Variants in GALNT11 observed in about 807,000 individuals in gnomAD.
The protein encoded by GALNT11 is polypeptide N-acetylgalactosaminyltransferase 11.
GALNT11 carries 47 observed loss-of-function variants against 72.7 expected under a neutral mutation model. The observed-to-expected ratio is 0.65, with a 90% CI of 0.51 to 0.82. The LOEUF (loss-of-function observed/expected upper bound fraction) is 0.82. GALNT11 is among the 40% of genes least tolerant of loss of function. GALNT11 has a pLI of 0.00. For missense variants in GALNT11, 677 were observed against 778.4 expected (o/e 0.87, Z 1.55); for synonymous variants, 270 against 286.6 (o/e 0.94, Z 0.58).
chr7:152,099,904 T>C (rs1252324518), intron 2 of GALNT11, among the ~76,000 whole-genome samples: 5 of 150,268 alleles, frequency 3.3e-5, no homozygotes, highest in African/African-American at 1.2e-4. Context: ...AGCCAAGTCA[T>C]GGAGACTACA....
chr7:152,120,452 GA>G (rs2089318041), intron 10 of GALNT11: 1 of 192,218 alleles, frequency 5.2e-6, no homozygotes, highest in African/African-American at 2.4e-5. Context: ...AGGCATCGAC[GA>G]AAATGGCAGC....
At chr7:152,044,333 C>T (rs1010192267) in intron 1 of GALNT11, among the ~76,000 whole-genome samples, 1 of 152,184 alleles carries the variant, frequency 6.6e-6, no homozygotes, top group Non-Finnish European at 1.5e-5. Flanking sequence ...CTCGCTCATG[C>T]TATTGTTTGT....
chr7:152,110,599 G>A lies in GALNT11; in HGVS notation c.1034G>A (p.Ser345Asn), dbSNP rs770194012. Residue 345 changes from serine to asparagine, a missense_variant, in exon 7 of 12, where the codon AGT becomes AAT. Transcript: ENST00000430044. ...TTCCATGAACTTGGACAGTATGATAGTGGCATGGATATCTGGGGAGGAGAA... is the reference window on the plus strand; with the variant it reads ...TTCCATGAACTTGGACAGTATGATAATGGCATGGATATCTGGGGAGGAGAA... ...QYFHELGQYD[S>N]GMDIWGGENL... 2 of 1,612,526 alleles carry A rather than the reference G, an allele frequency of 1.2e-6. No homozygotes were observed. Among genetic ancestry groups the A allele is most frequent in the East Asian group, 2.2e-5 (1 of 44,868 alleles).
rs763723817 is a variant in GALNT11, at chr7:152,100,962, C to T, written c.419+41C>T. On this transcript the variant is annotated intron_variant, in intron 3 of 11. Coordinates refer to ENST00000430044, the MANE Select transcript of GALNT11 (RefSeq NM_022087.4). The stretch of plus-strand genomic sequence containing the variant: ...GATTTGCAAATACATTTTAACAACA[C>T]GATGCTTTTAGTGTCAGTGTAAGAG... The T allele has an allele frequency of 1.2e-4, 196 of 1,606,682 alleles. No individual in the cohort carries two copies. The Admixed American group carries it at 3.0e-3, about 25-fold the overall frequency.
chr7:152,086,217 G>A (rs1007849562), intron 1 of GALNT11, among the ~76,000 whole-genome samples: 3 of 151,912 alleles, frequency 2.0e-5, no homozygotes, highest in Non-Finnish European at 4.4e-5. Flanking sequence ...TTGAGACGGG[G>A]TTTTACTATG....
At chr7:152,054,850 A>G (rs1393919238) in intron 1 of GALNT11, among the ~76,000 whole-genome samples, 2 of 152,112 alleles carry the variant, frequency 1.3e-5, no homozygotes, top group African/African-American at 4.8e-5. Context: ...GAGCCTATTC[A>G]TGCTATTGGA....
intron 1 of GALNT11, among the ~76,000 whole-genome samples, chr7:152,081,045 TCTA>T (rs2085296598): frequency 1.3e-5 from 2 of 152,188 alleles, no homozygotes; most frequent in Admixed American, 1.3e-4. Flanking sequence ...CTGTAGATCT[TCTA>T]CTGTGTTCCT....
chr7:152,035,258 G>A (rs2082510479), intron 1 of GALNT11, among the ~76,000 whole-genome samples: 1 of 152,182 alleles, frequency 6.6e-6, no homozygotes, highest in Non-Finnish European at 1.5e-5. Context: ...GAGCCCGGGT[G>A]CCTAAAGAAG....
chr7:152,059,235 A>G (rs543131421), intron 1 of GALNT11, among the ~76,000 whole-genome samples: 44 of 151,946 alleles, frequency 2.9e-4, no homozygotes, highest in African/African-American at 1.0e-3. Flanking sequence ...TGTTGGGACT[A>G]CAGGCATGTG....
chr7:152,108,367 C>T, intron 6 of GALNT11, 80 bp downstream of exon 6: 5 of 1,521,782 alleles, frequency 3.3e-6, no homozygotes, highest in Non-Finnish European at 3.5e-6. Flanking sequence ...GATAATTCCT[C>T]CTTCTTTGTA....
At chr7:152,054,352 A>G (rs2083544278) in intron 1 of GALNT11, among the ~76,000 whole-genome samples, 1 of 151,094 alleles carries the variant, frequency 6.6e-6, no homozygotes, top group Admixed American at 6.6e-5. Context: ...TAACTTAAAA[A>G]TCTTCAGGAT....
At chr7:152,052,616 C>T (rs2083456034) in intron 1 of GALNT11, among the ~76,000 whole-genome samples, 1 of 152,180 alleles carries the variant, frequency 6.6e-6, no homozygotes, top group Non-Finnish European at 1.5e-5. Context: ...TGTGGCACCT[C>T]ACATTGCTGT....
intron 7 of GALNT11, among the ~76,000 whole-genome samples, chr7:152,110,942 G>C (rs1042055928): frequency 6.6e-6 from 1 of 151,824 alleles, no homozygotes; most frequent in Non-Finnish European, 1.5e-5. Flanking sequence ...GGCTGGTGTC[G>C]AACTCTTGGG....
At chr7:152,113,712 CTTTTTTTTTTTTTTTTT>C (rs6150397) in intron 8 of GALNT11, among the ~76,000 whole-genome samples, 488 of 96,806 alleles carry the variant, frequency 5.0e-3, no homozygotes, top group Admixed American at 0.023. Context: ...AGTTGGCTTT[CTTTTTTTTTTTTTTTTT>C]TTTTTTTTTT....
chr7:152,103,311 C>T (rs1216202730), intron 4 of GALNT11, 33 bp downstream of exon 4: 1 of 1,597,104 alleles, frequency 6.3e-7, no homozygotes, highest in Non-Finnish European at 8.6e-7. Flanking sequence ...ACATTGGATC[C>T]AGGCTGTCAG....
chr7:152,046,419 T>C (rs2083125558), intron 1 of GALNT11, among the ~76,000 whole-genome samples: 1 of 152,178 alleles, frequency 6.6e-6, no homozygotes, highest in South Asian at 2.1e-4. Flanking sequence ...CTTCAGTTAT[T>C]GTATTGGGAT....
intron 1 of GALNT11, among the ~76,000 whole-genome samples, chr7:152,085,352 G>A (rs193056812): frequency 9.1e-4 from 138 of 152,232 alleles, no homozygotes; most frequent in Non-Finnish European, 5.9e-5. Flanking sequence ...TTTGAAGAAC[G>A]TATTAGTTGA....
chr7:152,048,710 T>G (rs1233484472), intron 1 of GALNT11, among the ~76,000 whole-genome samples: 2 of 151,806 alleles, frequency 1.3e-5, no homozygotes, highest in African/African-American at 4.9e-5. Context: ...TTTTGTATTT[T>G]TAGTAGAGAC....
chr7:152,052,257 C>T (rs1306726381), intron 1 of GALNT11, among the ~76,000 whole-genome samples: 1 of 152,106 alleles, frequency 6.6e-6, no homozygotes, highest in Non-Finnish European at 1.5e-5. Context: ...CATTCATCCC[C>T]TAGGATATTG....
Sources: allele counts gnomAD v4.1 joint callset (sites outside exome capture counted in the v4.1 genomes callset), GRCh38; gene constraint gnomAD v4.1.1; transcripts MANE v1.5; gene names NCBI Gene and HGNC (gene_info 2026-07-23, HGNC 2026-07-21).